Variants in HECTD3 observed in about 807,000 individuals in gnomAD.
HECTD3 encodes E3 ubiquitin-protein ligase HECTD3.
A neutral mutation model predicts 109.3 loss-of-function variants in HECTD3; 72 were observed. The observed-to-expected ratio is 0.66, with a 90% CI of 0.54 to 0.80. HECTD3 has a LOEUF of 0.80. HECTD3 is among the 30% of genes least tolerant of loss of function. The probability of loss-of-function intolerance (pLI) is 0.00; values close to 1 mark genes in which losing one functional copy is unlikely to be tolerated. For synonymous variants in HECTD3, 481 were observed against 471.8 expected, an observed-to-expected ratio of 1.02 and a Z score of -0.25; for missense variants, 1,041 against 1,165.2, an observed-to-expected ratio of 0.89 and a Z score of 1.55.
intron 9 of HECTD3, 65 bp downstream of exon 9, chr1:45,008,175 G>T: frequency 1.5e-6 from 2 of 1,299,068 alleles, no homozygotes; most frequent in Non-Finnish European, 2.2e-6. Context: ...ACTCTGCTAA[G>T]GAATGAACAA....
chr1:45,007,135 T>C, intron 11 of HECTD3, 84 bp downstream of exon 11: 3 of 729,008 alleles, frequency 4.1e-6, no homozygotes, highest in Non-Finnish European at 3.5e-6. Flanking sequence ...GTTGTGTGTG[T>C]GTGTGTGTGT....
intron 15 of HECTD3, chr1:45,005,591 A>T (rs1258779959): frequency 4.2e-6 from 2 of 476,278 alleles, no homozygotes; most frequent in African/African-American, 1.9e-5. Context: ...AGATACATAT[A>T]TGGCCCCAGG....
intron 1 of HECTD3, 40 bp from the exon 2 acceptor site, chr1:45,010,746 T>C: frequency 2.6e-6 from 4 of 1,519,818 alleles, no homozygotes; most frequent in East Asian, 2.3e-5. Flanking sequence ...GTCAGGGAAC[T>C]GCCCAGCCGC....
In HECTD3 at chr1:45,011,019, G is replaced by A; in HGVS notation, c.239C>T (p.Pro80Leu). The A allele has an allele frequency of 2.8e-6, 4 of 1,426,250 alleles. No individual in the cohort carries two copies. Among genetic ancestry groups the A allele is most frequent in the Non-Finnish European group, 3.6e-6 (4 of 1,098,150 alleles). The allele number at this position is 1,426,250 out of a possible 1,614,324, so 88.3% of individuals were successfully genotyped here. The change falls in exon 1 of 21, where the codon CCA becomes CTA. Residue 80 changes from proline (P) to leucine (L), a missense_variant. By Grantham distance (98) the Pro-to-Leu change is moderately conservative (BLOSUM62 -3). Around this residue, in one of 2 missense-constraint regions of HECTD3, gnomAD observed 472 missense variants for 449.9 expected, o/e 1.05. Transcript: ENST00000372172. ...GGGCCCGGAGCCGGTACCGGGGGCTGGGCCTGCGGCGCCCACACGCAGCCC... is the reference window on the plus strand; with the variant it reads ...GGGCCCGGAGCCGGTACCGGGGGCTAGGCCTGCGGCGCCCACACGCAGCCC... ...GLGLRVGAAGPAPGTGSGPLR... is the reference protein window; with the variant it reads ...GLGLRVGAAGLAPGTGSGPLR...
At position 45,003,720 on chromosome 1, in the gene HECTD3, A is replaced by AGC; in HGVS notation, c.2448_2449dup (p.Leu817ArgfsTer41). ...GCTGGAGCAAGTGGAAGACTCGGGC[A>AGC]GCGCGTCTGTGGTCTCGTAGCTGGG... On this transcript the variant is annotated frameshift_variant, in exon 20 of 21. Transcript: ENST00000372172. LOFTEE classifies it high-confidence loss of function. This position sits in a 1 kb window ranked among gnomAD's most constrained non-coding sequence, Gnocchi z 4.7. 6.2e-7 allele frequency: 1 copy of AGC among 1,614,062 alleles called. No individual in the cohort carries two copies. The highest frequency in any genetic ancestry group is 8.5e-7 in the Non-Finnish European group (1 of 1,179,972).
chr1:45,009,072 CCA>C, intron 7 of HECTD3, 70 bp downstream of exon 7: 2 of 1,225,902 alleles, frequency 1.6e-6, no homozygotes, highest in African/African-American at 1.5e-5. Context: ...CCTCTTCTCT[CCA>C]CACACACTCT....
chr1:45,004,992 G>A (rs1257488959), intron 15 of HECTD3, 186 bp from the exon 16 acceptor site: 4 of 621,916 alleles, frequency 6.4e-6, no homozygotes, highest in Non-Finnish European at 8.6e-6. Context: ...AGCCTTGGAG[G>A]CCAGAGGAGG....
chr1:45,006,863 T>C lies in HECTD3; in HGVS notation c.1622-68A>G. The C allele has an allele frequency of 1.9e-6, 3 of 1,577,942 alleles. No individual in the cohort carries two copies. Among genetic ancestry groups the C allele is most frequent in the South Asian group, 1.1e-5 (1 of 90,196 alleles). Reference sequence around the variant, plus strand: ...CTCCCATAATGGGGTAATGAATAGGTCCCCCATCATCATTAGCTGGTGAAA... The same window carrying C: ...CTCCCATAATGGGGTAATGAATAGGCCCCCCATCATCATTAGCTGGTGAAA... On this transcript the variant is annotated intron_variant, in intron 12 of 20. Coordinates refer to ENST00000372172, the MANE Select transcript of HECTD3 (RefSeq NM_024602.6). The surrounding 1 kb of genome is among the most constrained non-coding windows in gnomAD (Gnocchi z 4.7).
At chr1:45,008,738 C>T in intron 7 of HECTD3, 37 bp from the exon 8 acceptor site, 1 of 1,590,206 alleles carries the variant, frequency 6.3e-7, no homozygotes, top group Non-Finnish European at 8.6e-7. Context: ...ATTTACAGCA[C>T]CTGCTGCCTC....
At chr1:45,008,419 G>C in intron 8 of HECTD3, 98 bp from the exon 9 acceptor site, 1 of 1,478,364 alleles carries the variant, frequency 6.8e-7, no homozygotes, top group Non-Finnish European at 9.5e-7. Flanking sequence ...GGACCTGGGG[G>C]CTTCTCTGAC....
In HECTD3 at chr1:45,011,120, C is replaced by T; in HGVS notation, c.138G>A (p.Glu46=). The T allele has an allele frequency of 6.6e-7, 1 of 1,512,512 alleles. No individual in the cohort carries two copies. The highest frequency in any genetic ancestry group is 8.8e-7 in the Non-Finnish European group (1 of 1,138,432). 93.7% of individuals were successfully genotyped at this position (1,512,512 alleles called of 1,614,324 possible). The part of the protein sequence containing the change: ...LPAALAFVPR[E]VLYKLYKDPA... ...GGTCCTTGTAAAGCTTGTAGAGCAC[C>T]TCTCGCGGCACGAAAGCCAGCGCTG... is the stretch of plus-strand genomic sequence containing the variant. Residue 46 remains glutamate, a synonymous_variant, in exon 1 of 21, where the codon GAG becomes GAA. Transcript: ENST00000372172.
At chr1:45,007,091 G>A in intron 11 of HECTD3, 76 bp from the exon 12 acceptor site, 1 of 1,581,720 alleles carries the variant, frequency 6.3e-7, no homozygotes, top group South Asian at 1.1e-5. Flanking sequence ...AGACCACCTG[G>A]GAAAAGCAGT....
chr1:45,008,366 G>GT, intron 8 of HECTD3, 45 bp from the exon 9 acceptor site: 1 of 1,551,566 alleles, frequency 6.4e-7, no homozygotes, highest in Non-Finnish European at 8.9e-7. Flanking sequence ...TAGCATACCT[G>GT]TAACACCCCC....
intron 15 of HECTD3, 43 bp downstream of exon 15, chr1:45,005,751 T>C (rs769575577): frequency 6.6e-6 from 10 of 1,514,242 alleles, no homozygotes; most frequent in Admixed American, 2.1e-5. Context: ...GACCAACCTT[T>C]AGGGGCTGGG....
intron 6 of HECTD3, 58 bp from the exon 7 acceptor site, chr1:45,009,284 G>T: frequency 6.5e-7 from 1 of 1,531,076 alleles, no homozygotes; most frequent in Non-Finnish European, 9.1e-7. Flanking sequence ...TTCAGAGACT[G>T]CTGGAGTCTC....
At chr1:45,009,871 G>T in intron 4 of HECTD3, 115 bp downstream of exon 4, 1 of 1,312,404 alleles carries the variant, frequency 7.6e-7, no homozygotes, top group Non-Finnish European at 1.1e-6. Flanking sequence ...TGAACTGAGT[G>T]TGGCCTGTGG....
Position 45,006,111 on chromosome 1 carries a change from A to G in HECTD3, c.1731T>C (p.Asn577=). 1 of 1,613,800 alleles carries G rather than the reference A, an allele frequency of 6.2e-7. No individual in the cohort carries two copies. ...PFFVRTANQG[N]GTGEARDMYV... ...ACATGTCCCGAGCCTCACCAGTGCC[A>G]TTGCCCTGCCCCAGAGACAGAGCTG... Residue 577 remains asparagine, a synonymous_variant, in exon 14 of 21, where the codon AAT becomes AAC. Transcript: ENST00000372172. The surrounding 1 kb of genome is among the most constrained non-coding windows in gnomAD (Gnocchi z 4.7).
Position 45,011,226 on chromosome 1 carries a change from T to C in HECTD3, c.32A>G (p.Glu11Gly). Residue 11 changes from glutamate (E) to glycine (G), a missense_variant, in exon 1 of 21, where the codon GAG (glutamate) becomes GGG (glycine). By Grantham distance (98) the Glu-to-Gly change is moderately conservative. Around this residue, in one of 2 missense-constraint regions of HECTD3, gnomAD observed 472 missense variants for 449.9 expected, o/e 1.05. Coordinates refer to ENST00000372172, the MANE Select transcript of HECTD3 (RefSeq NM_024602.6). Reference sequence around the variant, plus strand: ...GCGGCCCAGCAGCTGCCGGGGGGACTCCAGCACCGCGCCCGGGCCAGGACC... The same window carrying C: ...GCGGCCCAGCAGCTGCCGGGGGGACCCCAGCACCGCGCCCGGGCCAGGACC... MAGPGPGAVL[E>G]SPRQLLGRVR... 3 of 1,395,910 alleles carry C rather than the reference T, an allele frequency of 2.1e-6. No individual in the cohort carries two copies. The highest frequency in any genetic ancestry group is 3.2e-5 in the South Asian group (2 of 63,276). 86.5% of individuals were successfully genotyped at this position (1,395,910 alleles called of 1,614,324 possible).
In HECTD3 at chr1:45,010,249, G is replaced by C; in HGVS notation, c.575C>G (p.Ser192Trp). The change falls in exon 3 of 21, where the codon TCG (serine) becomes TGG (tryptophan). Residue 192 changes from serine to tryptophan, a missense_variant. By Grantham distance (177) the Ser-to-Trp change is radical. Around this residue, in one of 2 missense-constraint regions of HECTD3, gnomAD observed 472 missense variants for 449.9 expected, o/e 1.05. Transcript: ENST00000372172. ...GTATGCCTCTGCCGGCTGAGGTCTC[G>C]ATCCCAGGCGATGTGAGTATGTCAG... ...VDLTYSHRLG[S>W]RPQPAEAYAE... is the part of the protein sequence containing the mutation. 1 of 1,613,928 alleles carries C rather than the reference G, an allele frequency of 6.2e-7. No individual in the cohort carries two copies. Among genetic ancestry groups the C allele is most frequent in the Non-Finnish European group, 8.5e-7 (1 of 1,179,982 alleles).
Sources: allele counts gnomAD v4.1 joint callset, GRCh38; gene constraint gnomAD v4.1.1; regional missense constraint gnomAD v4.1.1; non-coding constraint Gnocchi (gnomAD v3.1); transcripts MANE v1.5; gene names NCBI Gene and HGNC (gene_info 2026-07-23, HGNC 2026-07-21).